The following MED17 variants were observed in gnomAD, a reference collection of about 807,000 sequenced individuals.
The protein encoded by MED17 is mediator of RNA polymerase II transcription subunit 17.
In MED17, 49 loss-of-function variants were observed where a neutral mutation model predicts 80.8. That is an observed-to-expected ratio of 0.61 (90% CI 0.48 to 0.77). MED17 has a LOEUF of 0.77. MED17 is among the 30% of genes least tolerant of loss of function. The pLI, the probability that MED17 is intolerant of heterozygous loss-of-function variation, is 0.00. For missense variants in MED17, 718 were observed against 787.0 expected (o/e 0.91, Z 1.05); for synonymous variants, 281 against 280.4 (o/e 1.00, Z -0.02).
At chr11:93,785,929 G>A (rs1205809203) in intron 1 of MED17, among the ~76,000 whole-genome samples, 2 of 152,200 alleles carry the variant, frequency 1.3e-5, no homozygotes, top group African/African-American at 4.8e-5. Context: ...GATTCAGCCA[G>A]TGAGATCAAG....
intron 6 of MED17, 119 bp from the exon 7 acceptor site, chr11:93,796,291 G>A (rs999848394): frequency 9.8e-6 from 10 of 1,024,556 alleles, no homozygotes; most frequent in Non-Finnish European, 1.2e-5. Flanking sequence ...CATGAGGTCT[G>A]ATCTTCAAGT....
At position 93,814,318 on chromosome 11, in the gene MED17, A is replaced by G. The variant is rs974737803; in HGVS notation, c.*2254A>G. On this transcript the variant is annotated 3_prime_UTR_variant, in exon 12 of 12. Coordinates refer to ENST00000251871, the MANE Select transcript of MED17 (RefSeq NM_004268.5). ...TGGTAGCTTAGTTGCTGTGGTAGCA[A>G]TTCTTATGCCTTGTATTTATTTACA... is the stretch of plus-strand genomic sequence containing the variant. 7.2e-5 allele frequency: 11 copies of G among 152,214 alleles called. No homozygotes were observed. The highest frequency in any genetic ancestry group is 2.4e-4 in the African/African-American group (10 of 41,460). 9.4% of individuals were successfully genotyped at this position (152,214 alleles called of 1,614,324 possible).
In MED17 at chr11:93,796,555, G is replaced by A. The variant is rs1943904951; in HGVS notation, c.1143+15G>A. On this transcript the variant is annotated intron_variant, in intron 7 of 11. Coordinates refer to ENST00000251871, the MANE Select transcript of MED17 (RefSeq NM_004268.5). ...TGATTAGAGAGGTAAGGAAATAAAT[G>A]TTTTTCTTTGCGCTGTGGTGAGTAT... The A allele has an allele frequency of 6.2e-7, 1 of 1,613,518 alleles. No homozygotes were observed. Among genetic ancestry groups the A allele is most frequent in the Admixed American group, 1.7e-5 (1 of 59,984 alleles).
At position 93,812,744 on chromosome 11, in the gene MED17, A is replaced by T. The variant is rs1223674928; in HGVS notation, c.*680A>T. 6.5e-6 allele frequency: 1 copy of T among 153,028 alleles called. No homozygotes were observed. Among genetic ancestry groups the T allele is most frequent in the Non-Finnish European group, 1.5e-5 (1 of 68,740 alleles). 9.5% of individuals were successfully genotyped at this position (153,028 alleles called of 1,614,324 possible). Reference sequence around the variant, plus strand: ...AGCCACCATGCCCAGCCTACTCTAAATTATTGATAACCTCTTCCTCCAGTT... The same window carrying T: ...AGCCACCATGCCCAGCCTACTCTAATTTATTGATAACCTCTTCCTCCAGTT... On this transcript the variant is annotated 3_prime_UTR_variant, in exon 12 of 12. Transcript: ENST00000251871.
intron 6 of MED17, 164 bp from the exon 7 acceptor site, chr11:93,796,246 C>T (rs1943899957): frequency 1.2e-5 from 9 of 723,236 alleles, no homozygotes; most frequent in South Asian, 5.2e-5. Flanking sequence ...CCACCGCACC[C>T]GGCCAAATAG....
intron 1 of MED17, among the ~76,000 whole-genome samples, chr11:93,786,549 C>T (rs1161540053): frequency 6.6e-6 from 1 of 151,940 alleles, no homozygotes; most frequent in Non-Finnish European, 1.5e-5. Flanking sequence ...TCACTGCAAC[C>T]CCTGCCTCCT....
Position 93,812,127 on chromosome 11 carries a change from A to G in MED17, c.*63A>G, listed in dbSNP as rs1444046010. On this transcript the variant is annotated 3_prime_UTR_variant, in exon 12 of 12. Transcript: ENST00000251871. The stretch of plus-strand genomic sequence containing the variant: ...TTTGACTTGAAATGTTTGCAGATCA[A>G]CTATAAGCACAAAGAAGAGATAACT... 2 of 1,347,046 alleles carry G rather than the reference A, an allele frequency of 1.5e-6. No individual in the cohort carries two copies. Among genetic ancestry groups the G allele is most frequent in the Non-Finnish European group, 2.1e-6 (2 of 938,280 alleles). 83.4% of individuals were successfully genotyped at this position (1,347,046 alleles called of 1,614,324 possible).
In MED17 at chr11:93,797,524, G is replaced by A. The variant is rs373491609; in HGVS notation, c.1144-11G>A. 3.1e-6 allele frequency: 5 copies of A among 1,612,906 alleles called. No individual in the cohort carries two copies. Among genetic ancestry groups the A allele is most frequent in the Non-Finnish European group, 4.2e-6 (5 of 1,179,084 alleles). On this transcript the variant is annotated splice_polypyrimidine_tract_variant and intron_variant, in intron 7 of 11. Transcript: ENST00000251871. ...GTGGATATTGGTATTTAAAATGGCT[G>A]TTTTTGTTAGTTTCATAAACAGACC...
intron 11 of MED17, 130 bp from the exon 12 acceptor site, chr11:93,811,723 T>G (rs1944086699): frequency 1.2e-6 from 1 of 834,768 alleles, no homozygotes. Flanking sequence ...AAAAAGCACT[T>G]TTTTACAAGA....
In MED17 at chr11:93,813,086, G is replaced by A. The variant is rs1373906944; in HGVS notation, c.*1022G>A. Reference sequence around the variant, plus strand: ...AGTGGGTTATCTTTTCCAAGGAACAGGTTTGCACTTCTTGGAAAAAGTGCC... The same window carrying A: ...AGTGGGTTATCTTTTCCAAGGAACAAGTTTGCACTTCTTGGAAAAAGTGCC... On this transcript the variant is annotated 3_prime_UTR_variant, in exon 12 of 12. Coordinates refer to ENST00000251871, the MANE Select transcript of MED17 (RefSeq NM_004268.5). 6.6e-6 allele frequency: 1 copy of A among 152,208 alleles called. No homozygotes were observed. The highest frequency in any genetic ancestry group is 6.5e-5 in the Admixed American group (1 of 15,282). 9.4% of individuals were successfully genotyped at this position (152,208 alleles called of 1,614,324 possible). A position where few individuals can be genotyped will look rare whatever the true frequency, so the allele number is the denominator to read the frequency against.
At chr11:93,785,012 G>A (rs1471952979) in intron 1 of MED17, 1 of 602,284 alleles carries the variant, frequency 1.7e-6, no homozygotes, top group Non-Finnish European at 2.9e-6. Context: ...ACCGTGAAAT[G>A]TTTAAATGAA....
intron 11 of MED17, chr11:93,810,137 C>A (rs376629116): frequency 6.7e-6 from 3 of 449,468 alleles, no homozygotes; most frequent in East Asian, 4.6e-5. Context: ...CATTGTTACT[C>A]CTGCAGTCCC....
chr11:93,801,926 A>C lies in MED17; in HGVS notation c.1420A>C (p.Ser474Arg), dbSNP rs888688449. The part of the protein sequence containing the change: ...WSNINDVYES[S>R]VKVLITSQGY... Reference sequence around the variant, plus strand: ...AAATATCAATGATGTTTATGAATCTAGTGTGAAAGTTTTAATCACATCACA... The same window carrying C: ...AAATATCAATGATGTTTATGAATCTCGTGTGAAAGTTTTAATCACATCACA... Residue 474 changes from serine to arginine, a missense_variant, in exon 9 of 12, where the codon AGT becomes CGT. Coordinates refer to ENST00000251871, the MANE Select transcript of MED17 (RefSeq NM_004268.5). The C allele has an allele frequency of 7.4e-6, 12 of 1,612,868 alleles. No homozygotes were observed. The highest frequency in any genetic ancestry group is 1.0e-5 in the Non-Finnish European group (12 of 1,179,640).
At position 93,801,912 on chromosome 11, in the gene MED17, A is replaced by G; in HGVS notation, c.1406A>G (p.Asp469Gly). The G allele has an allele frequency of 6.2e-7, 1 of 1,613,270 alleles. No individual in the cohort carries two copies. Among genetic ancestry groups the G allele is most frequent in the African/African-American group, 1.3e-5 (1 of 75,040 alleles). The change falls in exon 9 of 12, where the codon GAT (aspartate) becomes GGT (glycine). Residue 469 changes from aspartate to glycine, a missense_variant. By Grantham distance (94) the Asp-to-Gly change is moderately conservative. Coordinates refer to ENST00000251871, the MANE Select transcript of MED17 (RefSeq NM_004268.5). The part of the protein sequence containing the change: ...QIQAHWSNIN[D>G]VYESSVKVLI... ...CAGGCTCATTGGTCAAATATCAATG[A>G]TGTTTATGAATCTAGTGTGAAAGTT...
At chr11:93,799,287 C>T (rs1403999197) in intron 8 of MED17, among the ~76,000 whole-genome samples, 9 of 152,030 alleles carry the variant, frequency 5.9e-5, no homozygotes, top group South Asian at 2.1e-4. Context: ...GCGATCATCC[C>T]GCCTCAGCCT....
At chr11:93,788,334 AT>A in intron 2 of MED17, 167 bp downstream of exon 2, 2 of 603,674 alleles carry the variant, frequency 3.3e-6, no homozygotes, top group Non-Finnish European at 5.7e-6. Flanking sequence ...CATTTCCTTT[AT>A]TTTTTTATTA....
intron 6 of MED17, chr11:93,796,023 C>G: frequency 3.8e-6 from 1 of 264,892 alleles, no homozygotes; most frequent in Non-Finnish European, 7.4e-6. Flanking sequence ...TCTTGGCTCA[C>G]TGCAACCTGT....
In MED17 at chr11:93,790,583, A is replaced by G; in HGVS notation, c.427A>G (p.Thr143Ala). The change falls in exon 3 of 12, where the codon ACG (threonine) becomes GCG (alanine). Residue 143 changes from threonine (T) to alanine (A), a missense_variant. Transcript: ENST00000251871. ...GGGTTGTTTTTGACAGAATCCTCAG[A>G]CGTTGCAATTGATATCTAAAAAGAA... Reference protein sequence around the residue: ...DALPPKQNPQTLQLISKKKSL... With the variant: ...DALPPKQNPQALQLISKKKSL... 1.2e-6 allele frequency: 2 copies of G among 1,614,062 alleles called. No homozygotes were observed. The highest frequency in any genetic ancestry group is 1.1e-5 in the South Asian group (1 of 91,062).
At chr11:93,795,325 T>G in intron 6 of MED17, 1 of 499,608 alleles carries the variant, frequency 2.0e-6, no homozygotes, top group South Asian at 2.3e-5. Flanking sequence ...GAAAAGAAAA[T>G]TTGCACTAGC....
Sources: allele counts gnomAD v4.1 joint callset (sites outside exome capture counted in the v4.1 genomes callset), GRCh38; gene constraint gnomAD v4.1.1; transcripts MANE v1.5; gene names NCBI Gene and HGNC (gene_info 2026-07-23, HGNC 2026-07-21).